KY: variants seen among roughly 807,000 people sequenced by gnomAD.
KY encodes kyphoscoliosis peptidase.
KY carries 43 observed loss-of-function variants against 76.1 expected under a neutral mutation model. The observed-to-expected ratio is 0.57, with a 90% CI of 0.44 to 0.73. The LOEUF is 0.73. KY is among the 30% of genes least tolerant of loss of function. The pLI is 0.00. For synonymous variants in KY, 277 were observed against 326.2 expected (o/e 0.85, Z 1.63); for missense variants, 722 against 828.9 (o/e 0.87, Z 1.58).
intron 3 of KY, chr3:134,639,914 C>T (rs1275532158): frequency 1.4e-5 from 2 of 139,330 alleles, no homozygotes; most frequent in African/African-American, 5.6e-5. Context: ...CGCACCTCTG[C>T]ACTCCAACCT....
intron 6 of KY, among the ~76,000 whole-genome samples, chr3:134,623,716 T>C (rs552641301): frequency 2.1e-4 from 32 of 152,192 alleles, no homozygotes; most frequent in African/African-American, 7.7e-4. Context: ...GCACTGCCCC[T>C]CTGGAGGTAA....
rs1380468366 is a variant in KY at position 134,601,379 on chromosome 3, A to G, written c.*2200T>C. Reference sequence around the variant, plus strand: ...TGCAATGCTCCAGGATGTATTGATTAATTATATTGCATATCGAAAAGGTAT... The same window carrying G: ...TGCAATGCTCCAGGATGTATTGATTGATTATATTGCATATCGAAAAGGTAT... On this transcript the variant is annotated 3_prime_UTR_variant, in exon 11 of 11. Transcript: ENST00000423778. Among the ~76,000 whole-genome samples the G allele has an allele frequency of 1.3e-5, 2 of 152,166 alleles. No individual in the cohort carries two copies. The highest frequency in any genetic ancestry group is 2.9e-5 in the Non-Finnish European group (2 of 68,036).
At chr3:134,604,610 T>G in intron 10 of KY, 136 bp from the exon 11 acceptor site, 1 of 721,472 alleles carries the variant, frequency 1.4e-6, no homozygotes, top group Non-Finnish European at 2.2e-6. Context: ...TGTTAATACT[T>G]TCACCACAGT....
intron 8 of KY, 66 bp from the exon 9 acceptor site, chr3:134,610,449 G>T: frequency 7.0e-7 from 1 of 1,425,228 alleles, no homozygotes; most frequent in Non-Finnish European, 9.7e-7. Flanking sequence ...TCTGTCCATG[G>T]TCTCAGGTTT....
At chr3:134,625,552 C>T (rs557141553) in intron 5 of KY, among the ~76,000 whole-genome samples, 5 of 152,344 alleles carry the variant, frequency 3.3e-5, no homozygotes, top group South Asian at 4.1e-4. Context: ...CAGTGCTGCT[C>T]GTGCTCACAA....
Position 134,604,211 on chromosome 3 carries a change from C to T in KY, c.1354G>A (p.Val452Met), listed in dbSNP as rs766435024. ...VQLPAELHQP[V>M]GPSWFSEQMG... The stretch of plus-strand genomic sequence containing the variant: ...TGCTCCGAGAACCAGCTGGGGCCCA[C>T]GGGCTGGTGAAGCTCAGCAGGCAGC... Residue 452 changes from valine (V) to methionine (M), a missense_variant, in exon 11 of 11, where the codon GTG becomes ATG. Physicochemically the swap from Val to Met is conservative, Grantham distance 21. Around this residue, in one of 2 missense-constraint regions of KY, gnomAD observed 552 missense variants for 680.9 expected, o/e 0.81. Coordinates refer to ENST00000423778, the MANE Select transcript of KY (RefSeq NM_178554.6). 5.5e-5 allele frequency: 88 copies of T among 1,612,684 alleles called. No individual in the cohort carries two copies. Among genetic ancestry groups the T allele is most frequent in the Middle Eastern group, 1.7e-4 (1 of 5,956 alleles).
chr3:134,612,853 A>T (rs966567789), intron 8 of KY: 5 of 150,956 alleles, frequency 3.3e-5, no homozygotes, highest in African/African-American at 1.2e-4. Context: ...GATGGCACAA[A>T]AGGCACCTGA....
chr3:134,608,512 C>A, intron 10 of KY, 137 bp downstream of exon 10: 1 of 1,570,266 alleles, frequency 6.4e-7, no homozygotes, highest in Non-Finnish European at 8.6e-7. Context: ...CATGCACACA[C>A]AAGCTTTGTG....
At chr3:134,643,514 C>T in intron 2 of KY, 136 bp from the exon 3 acceptor site, 1 of 665,786 alleles carries the variant, frequency 1.5e-6, no homozygotes, top group Non-Finnish European at 2.7e-6. Context: ...TGTGTGCACA[C>T]CCTCACAGTG....
intron 6 of KY, among the ~76,000 whole-genome samples, chr3:134,623,762 C>CT (rs1170269699): frequency 6.6e-6 from 1 of 152,188 alleles, no homozygotes; most frequent in Non-Finnish European, 1.5e-5. Context: ...GACATGGCGT[C>CT]TGTCCTGATC....
chr3:134,610,616 C>T (rs957108740), intron 8 of KY: 34 of 477,938 alleles, frequency 7.1e-5, no homozygotes, highest in African/African-American at 3.2e-4. Context: ...CTGCAGTCTC[C>T]GCTGTCTGCT....
rs1385394740 is a variant in KY, at chr3:134,608,710, C to G, written c.1029G>C (p.Lys343Asn). The G allele has an allele frequency of 6.2e-7, 1 of 1,614,062 alleles. No homozygotes were observed. Among genetic ancestry groups the G allele is most frequent in the Non-Finnish European group, 8.5e-7 (1 of 1,179,904 alleles). ...LRQFENNMYH[K>N]SEFYNKGMLS... ...GCATCCCTTTGTTGTAGAATTCACT[C>G]TTGTGATACATGTTGTTCTCAAACT... Residue 343 changes from lysine to asparagine, a missense_variant, in exon 10 of 11, where the codon AAG becomes AAC. This residue lies in a region of KY where 552 missense variants were observed against 680.9 expected (regional missense o/e 0.81). Coordinates refer to ENST00000423778, the MANE Select transcript of KY (RefSeq NM_178554.6).
At chr3:134,625,764 G>A (rs533354858) in intron 5 of KY, among the ~76,000 whole-genome samples, 1 of 152,366 alleles carries the variant, frequency 6.6e-6, no homozygotes, top group East Asian at 1.9e-4. Context: ...ATGGCGTTCT[G>A]GTAACAGGGC....
At chr3:134,619,712 A>AC (rs1488473870) in intron 7 of KY, among the ~76,000 whole-genome samples, 3 of 152,234 alleles carry the variant, frequency 2.0e-5, no homozygotes, top group Non-Finnish European at 4.4e-5. Context: ...TAAGGAGGGG[A>AC]TGAAGACATT....
chr3:134,650,075 T>C (rs535777785), intron 1 of KY, among the ~76,000 whole-genome samples: 8 of 152,342 alleles, frequency 5.3e-5, no homozygotes, highest in Admixed American at 1.3e-4. Flanking sequence ...ATCATCCCTC[T>C]GTACTCCATT....
chr3:134,619,713 T>C (rs1181040758), intron 7 of KY, among the ~76,000 whole-genome samples: 3 of 152,212 alleles, frequency 2.0e-5, no homozygotes, highest in Non-Finnish European at 4.4e-5. Context: ...AAGGAGGGGA[T>C]GAAGACATTG....
chr3:134,620,471 A>T (rs1962410672), intron 7 of KY, among the ~76,000 whole-genome samples: 1 of 152,148 alleles, frequency 6.6e-6, no homozygotes, highest in Admixed American at 6.5e-5. Flanking sequence ...GCTGGGACAG[A>T]GGGAAGGCTG....
At chr3:134,616,176 A>C (rs560752256) in intron 8 of KY, among the ~76,000 whole-genome samples, 1 of 152,332 alleles carries the variant, frequency 6.6e-6, no homozygotes, top group South Asian at 2.1e-4. Flanking sequence ...TGGATGATAG[A>C]AAGTCAGAAG....
intron 3 of KY, among the ~76,000 whole-genome samples, chr3:134,642,553 G>A (rs1012324000): frequency 6.6e-6 from 1 of 152,054 alleles, no homozygotes; most frequent in East Asian, 1.9e-4. Context: ...TGATGCCCTT[G>A]CCTGCCTTCC....
Sources: gnomAD v4.1 joint callset for allele counts (sites outside exome capture counted in the v4.1 genomes callset) on GRCh38, gnomAD v4.1.1 for gene constraint, gnomAD v4.1.1 regional missense constraint, MANE v1.5 for transcripts, NCBI Gene and HGNC (gene_info 2026-07-23, HGNC 2026-07-21) for gene names.